The following CREB5 variants were observed in gnomAD, a reference collection of about 807,000 sequenced individuals.
The protein encoded by CREB5 is cAMP responsive element binding protein 5.
CREB5 carries 19 observed loss-of-function variants against 57.1 expected under a neutral mutation model. The ratio of observed to expected loss-of-function variants is 0.33; its 90% CI spans 0.23 to 0.49. The LOEUF is 0.49. Among genes scored for constraint, CREB5 ranks in the 20% least tolerant of loss-of-function variants. The probability of loss-of-function intolerance (pLI) is 0.99; values close to 1 mark genes in which losing one functional copy is unlikely to be tolerated. For synonymous variants in CREB5, 238 were observed against 238.3 expected (o/e 1.00, Z 0.01); for missense variants, 579 against 671.6 (o/e 0.86, Z 1.52).
chr7:28,768,171 G>A (rs1180014888), intron 7 of CREB5, among the ~76,000 whole-genome samples: 1 of 152,132 alleles, frequency 6.6e-6, no homozygotes, highest in Non-Finnish European at 1.5e-5. Context: ...CAGAGTAGGG[G>A]GTGAATGTGC....
chr7:28,621,991 G>A (rs185739752), intron 5 of CREB5, among the ~76,000 whole-genome samples: 3 of 152,228 alleles, frequency 2.0e-5, no homozygotes, highest in East Asian at 3.9e-4. Flanking sequence ...TAGATGATGA[G>A]GAAGTCTCAG....
chr7:28,379,585 C>T (rs1786918120), intron 1 of CREB5, among the ~76,000 whole-genome samples: 1 of 152,204 alleles, frequency 6.6e-6, no homozygotes, highest in Non-Finnish European at 1.5e-5. Flanking sequence ...GCCAGTGGTG[C>T]CCAATCTTGG....
chr7:28,490,069 T>C (rs1016178816), intron 2 of CREB5, among the ~76,000 whole-genome samples: 1 of 152,368 alleles, frequency 6.6e-6, no homozygotes, highest in East Asian at 1.9e-4. Context: ...TGCTTTGCTT[T>C]GGTGGTGAAA....
intron 1 of CREB5, among the ~76,000 whole-genome samples, chr7:28,457,196 C>T (rs1790132584): frequency 6.6e-6 from 1 of 152,176 alleles, no homozygotes; most frequent in Non-Finnish European, 1.5e-5. Flanking sequence ...GCCCTCATGA[C>T]CTAATCACTT....
chr7:28,326,147 C>G (rs1038217815), intron 1 of CREB5, among the ~76,000 whole-genome samples: 2 of 149,706 alleles, frequency 1.3e-5, no homozygotes, highest in Admixed American at 1.3e-4. Context: ...CTGGTACACA[C>G]ACACATTATC....
intron 5 of CREB5, among the ~76,000 whole-genome samples, chr7:28,716,957 A>G (rs1802723219): frequency 6.6e-6 from 1 of 152,186 alleles, no homozygotes; most frequent in African/African-American, 2.4e-5. Context: ...GCTTATCCGA[A>G]AGCACTCATC....
intron 1 of CREB5, among the ~76,000 whole-genome samples, chr7:28,356,109 C>T (rs559738880): frequency 3.9e-5 from 6 of 152,212 alleles, no homozygotes; most frequent in South Asian, 4.1e-4. Flanking sequence ...ACCAAAATGA[C>T]GTCTATAAAT....
chr7:28,515,779 A>C (rs946388158), intron 4 of CREB5, among the ~76,000 whole-genome samples: 1 of 152,194 alleles, frequency 6.6e-6, no homozygotes, highest in South Asian at 2.1e-4. Flanking sequence ...TGCGAATTCT[A>C]AGAAGGCTAT....
At position 28,547,454 on chromosome 7, in the gene CREB5, A is replaced by G. The variant is rs371835567; in HGVS notation, c.292-22911A>G. Among the ~76,000 whole-genome samples, 6 of 152,212 alleles carry G rather than the reference A, an allele frequency of 3.9e-5. No homozygotes were observed. In the East Asian group the frequency reaches 5.8e-4, roughly 15 times the overall value. ...GGCTGGAAACTCAGGTAAAGTTTCTATGTTGCAGTCTTGAGGCAGTTGTTT... is the reference window on the plus strand; with the variant it reads ...GGCTGGAAACTCAGGTAAAGTTTCTGTGTTGCAGTCTTGAGGCAGTTGTTT... On this transcript the variant is annotated intron_variant, in intron 4 of 10. Coordinates refer to ENST00000357727, the MANE Select transcript of CREB5 (RefSeq NM_182898.4).
intron 7 of CREB5, among the ~76,000 whole-genome samples, chr7:28,763,285 G>A (rs921875398): frequency 6.6e-6 from 1 of 152,128 alleles, no homozygotes; most frequent in Non-Finnish European, 1.5e-5. Flanking sequence ...AAATTGTGAC[G>A]TGTATATACA....
rs185602730 is a variant in CREB5, at chr7:28,753,570, C to A, written c.702+29238C>A. Among the ~76,000 whole-genome samples the A allele has an allele frequency of 1.6e-4, 25 of 152,270 alleles. No individual in the cohort carries two copies. In the East Asian group the frequency reaches 4.8e-3, roughly 29 times the overall value. On this transcript the variant is annotated intron_variant, in intron 7 of 10. Coordinates refer to ENST00000357727, the MANE Select transcript of CREB5 (RefSeq NM_182898.4). ...AAAATTAGCAGTAATTCCATAGGTA[C>A]CCTTTGGGGAGATAGATTCATTGAA...
intron 1 of CREB5, among the ~76,000 whole-genome samples, chr7:28,308,112 C>T (rs553622441): frequency 6.6e-6 from 1 of 152,254 alleles, no homozygotes; most frequent in African/African-American, 2.4e-5. Flanking sequence ...ACATCCAGAG[C>T]AAATCAGGCA....
At chr7:28,419,701 C>A (rs1456302349) in intron 1 of CREB5, among the ~76,000 whole-genome samples, 2 of 152,076 alleles carry the variant, frequency 1.3e-5, no homozygotes, top group Admixed American at 6.5e-5. Flanking sequence ...TTAGGATGCC[C>A]ATGGACACAT....
At chr7:28,495,931 T>C (rs1021964940) in intron 3 of CREB5, among the ~76,000 whole-genome samples, 1 of 152,044 alleles carries the variant, frequency 6.6e-6, no homozygotes, top group Non-Finnish European at 1.5e-5. Flanking sequence ...CATTAGCTAA[T>C]TGTGATTTAT....
At chr7:28,393,769 G>A (rs1391441392) in intron 1 of CREB5, among the ~76,000 whole-genome samples, 3 of 152,106 alleles carry the variant, frequency 2.0e-5, no homozygotes, top group Non-Finnish European at 2.9e-5. Context: ...CCTGTGAAAT[G>A]GTGTAGTGTT....
intron 5 of CREB5, among the ~76,000 whole-genome samples, chr7:28,696,863 T>G (rs914223965): frequency 1.9e-4 from 29 of 152,100 alleles, no homozygotes; most frequent in African/African-American, 7.0e-4. Flanking sequence ...CGTATATGTG[T>G]GTATGTAATG....
intron 5 of CREB5, among the ~76,000 whole-genome samples, chr7:28,709,686 TA>T (rs879727091): frequency 3.7e-3 from 459 of 124,550 alleles, no homozygotes; most frequent in African/African-American, 4.0e-3. Flanking sequence ...AGGCTTTTAT[TA>T]AAAAAAAAAA....
chr7:28,307,492 C>G (rs1360791473), intron 1 of CREB5, among the ~76,000 whole-genome samples: 1 of 152,212 alleles, frequency 6.6e-6, no homozygotes, highest in Non-Finnish European at 1.5e-5. Context: ...TCTTGGACTT[C>G]CCAGCCTCCA....
intron 5 of CREB5, among the ~76,000 whole-genome samples, chr7:28,592,629 G>C (rs1320208929): frequency 6.6e-6 from 1 of 152,168 alleles, no homozygotes; most frequent in South Asian, 2.1e-4. Flanking sequence ...GAGGTCAAGA[G>C]TTCAAACATG....
Sources: allele counts gnomAD v4.1 joint callset (sites outside exome capture counted in the v4.1 genomes callset), GRCh38; gene constraint gnomAD v4.1.1; transcripts MANE v1.5; gene names NCBI Gene and HGNC (gene_info 2026-07-23, HGNC 2026-07-21).